ATXN3: variants seen among roughly 807,000 people sequenced by gnomAD.
ATXN3 encodes the protein ataxin 3, also known as ataxin-3.
In ATXN3, 28 loss-of-function variants were observed where a neutral mutation model predicts 58.2. The observed-to-expected ratio is 0.48, with a 90% CI of 0.36 to 0.66. The LOEUF (loss-of-function observed/expected upper bound fraction) is 0.66, where lower values mean the gene tolerates loss of function less well. Ranked by LOEUF, ATXN3 falls within the 30% of genes least tolerant of loss-of-function variation. The pLI is 0.00. For synonymous variants in ATXN3, 113 were observed against 138.5 expected (o/e 0.82, Z 1.29); for missense variants, 321 against 422.1 (o/e 0.76, Z 2.10).
intron 3 of ATXN3, among the ~76,000 whole-genome samples, chr14:92,095,013 G>C (rs985609455): frequency 2.7e-5 from 4 of 150,378 alleles, no homozygotes; most frequent in African/African-American, 9.8e-5. Flanking sequence ...CACAGTGTTA[G>C]AAAAAGAATG....
At chr14:92,095,225 T>C (rs941521028) in intron 3 of ATXN3, among the ~76,000 whole-genome samples, 3 of 152,034 alleles carry the variant, frequency 2.0e-5, no homozygotes, top group African/African-American at 7.2e-5. Flanking sequence ...GTTTGAGACA[T>C]TGTGACTTAT....
intron 9 of ATXN3, among the ~76,000 whole-genome samples, chr14:92,072,505 A>G (rs2059606233): frequency 6.6e-6 from 1 of 152,208 alleles, no homozygotes; most frequent in South Asian, 2.1e-4. Flanking sequence ...TTGGATTTGG[A>G]ATGCTTAACT....
intron 9 of ATXN3, among the ~76,000 whole-genome samples, chr14:92,071,396 C>G (rs2059423321): frequency 6.6e-6 from 1 of 151,772 alleles, no homozygotes; most frequent in Non-Finnish European, 1.5e-5. Context: ...AGAAGTTTGA[C>G]ACGAGCCTGG....
At chr14:92,070,056 G>C (rs2059163712) in intron 10 of ATXN3, among the ~76,000 whole-genome samples, 1 of 151,958 alleles carries the variant, frequency 6.6e-6, no homozygotes. Context: ...TTTTTATTGA[G>C]TTGTTTTCTG....
intron 1 of ATXN3, among the ~76,000 whole-genome samples, chr14:92,099,057 C>G (rs1205110855): frequency 6.6e-6 from 1 of 152,224 alleles, no homozygotes; most frequent in Non-Finnish European, 1.5e-5. Context: ...ATGGATCCCT[C>G]CCTGTGAACA....
At chr14:92,105,222 G>A (rs1216843947) in intron 1 of ATXN3, among the ~76,000 whole-genome samples, 1 of 152,124 alleles carries the variant, frequency 6.6e-6, no homozygotes, top group African/African-American at 2.4e-5. Context: ...AGGAGTTCGA[G>A]ACCAGCCTGG....
In ATXN3 at chr14:92,059,312, A is replaced by G. The variant is rs924465521; in HGVS notation, c.*5008T>C. The G allele has an allele frequency of 6.6e-6, 1 of 152,222 alleles. No homozygotes were observed. Among genetic ancestry groups the G allele is most frequent in the Non-Finnish European group, 1.5e-5 (1 of 68,034 alleles). 9.4% of individuals were successfully genotyped at this position (152,222 alleles called of 1,614,324 possible). On this transcript the variant is annotated 3_prime_UTR_variant, in exon 11 of 11. Coordinates refer to ENST00000644486, the MANE Select transcript of ATXN3 (RefSeq NM_004993.6). ...AACAAAAATATTTTTATTATGTTTA[A>G]GACTAAAAAAATACAAAGCCAGGTC...
chr14:92,099,914 A>G (rs936828893), intron 1 of ATXN3, among the ~76,000 whole-genome samples: 1 of 151,162 alleles, frequency 6.6e-6, no homozygotes, highest in African/African-American at 2.4e-5. Flanking sequence ...AAGAAAGAAA[A>G]GAAGGAAGGA....
Position 92,093,850 on chromosome 14 carries a change from A to G in ATXN3, c.235-19T>C, listed in dbSNP as rs369226337. ...TTATAACCTGTTAAGAAAAATAGCA[A>G]CTTTTCATAAGCTAAACCACTCCAT... On this transcript the variant is annotated intron_variant, in intron 3 of 10. Coordinates refer to ENST00000644486, the MANE Select transcript of ATXN3 (RefSeq NM_004993.6). 6.6e-7 allele frequency: 1 copy of G among 1,504,146 alleles called. No homozygotes were observed. The highest frequency in any genetic ancestry group is 9.3e-7 in the Non-Finnish European group (1 of 1,080,346). 93.2% of individuals were successfully genotyped at this position (1,504,146 alleles called of 1,614,324 possible).
intron 9 of ATXN3, among the ~76,000 whole-genome samples, chr14:92,077,939 G>A (rs1595695257): frequency 6.6e-6 from 1 of 151,078 alleles, no homozygotes; most frequent in Admixed American, 6.6e-5. Context: ...GAGCCACTAC[G>A]CCTGGCCATG....
At chr14:92,101,630 G>C (rs997593417) in intron 1 of ATXN3, among the ~76,000 whole-genome samples, 1 of 152,202 alleles carries the variant, frequency 6.6e-6, no homozygotes, top group African/African-American at 2.4e-5. Context: ...GGCCAAGGCA[G>C]GTTGATCACT....
intron 1 of ATXN3, among the ~76,000 whole-genome samples, chr14:92,099,804 G>A (rs1234872726): frequency 6.6e-6 from 1 of 152,052 alleles, no homozygotes; most frequent in Non-Finnish European, 1.5e-5. Context: ...AAAAGGTCGA[G>A]GCTACAGTAA....
chr14:92,090,802 CA>C (rs1197068423), intron 5 of ATXN3, among the ~76,000 whole-genome samples: 2 of 151,396 alleles, frequency 1.3e-5, no homozygotes, highest in Admixed American at 6.6e-5. Context: ...TTACTTTATA[CA>C]AAAAAAAGTA....
chr14:92,096,881 C>A, intron 1 of ATXN3, 43 bp from the exon 2 acceptor site: 2 of 1,533,486 alleles, frequency 1.3e-6, no homozygotes. Flanking sequence ...ACTTGTTAAA[C>A]AGAATTGTAT....
downstream of ATXN3, among the ~76,000 whole-genome samples, chr14:92,056,598 G>C (rs992211336): frequency 3.3e-5 from 5 of 152,144 alleles, no homozygotes; most frequent in Admixed American, 1.3e-4. Context: ...GTCAGGGGCT[G>C]GGGAAGGGAG....
intron 6 of ATXN3, 144 bp from the exon 7 acceptor site, chr14:92,083,402 G>T: frequency 1.2e-6 from 1 of 842,148 alleles, no homozygotes; most frequent in Non-Finnish European, 1.8e-6. Flanking sequence ...TCCAAATAAT[G>T]ATTCTTATAC....
chr14:92,101,799 A>C (rs549446149), intron 1 of ATXN3, among the ~76,000 whole-genome samples: 1 of 152,326 alleles, frequency 6.6e-6, no homozygotes, highest in East Asian at 1.9e-4. Flanking sequence ...CGGAGGTTGC[A>C]GTGAGCTGAG....
At chr14:92,045,253 G>C (rs2057421727) in intron 2 of ATXN3, among the ~76,000 whole-genome samples, 1 of 152,128 alleles carries the variant, frequency 6.6e-6, no homozygotes, top group African/African-American at 2.4e-5. Context: ...TGAAGATTGA[G>C]GACGGTAAGG....
chr14:92,093,231 A>C (rs2064305129), intron 5 of ATXN3, 21 bp downstream of exon 5: 1 of 1,468,768 alleles, frequency 6.8e-7, no homozygotes, highest in Non-Finnish European at 9.4e-7. Context: ...AAAAAAGACA[A>C]GGAAGGGTAA....
Sources: gnomAD v4.1 joint callset for allele counts (sites outside exome capture counted in the v4.1 genomes callset) on GRCh38, gnomAD v4.1.1 for gene constraint, MANE v1.5 for transcripts, NCBI Gene and HGNC (gene_info 2026-07-23, HGNC 2026-07-21) for gene names.